Variants in SH3YL1 observed in about 807,000 individuals in gnomAD.
SH3YL1 encodes SH3 and SYLF domain containing 1, also known as SH3 domain-containing YSC84-like protein 1.
In SH3YL1, 41 loss-of-function variants were observed where a neutral mutation model predicts 45.8. That is an observed-to-expected ratio of 0.89 (90% confidence interval 0.70 to 1.16). The LOEUF is 1.16. Ranked by LOEUF, SH3YL1 falls within the 50% of genes most tolerant of loss-of-function variation. The pLI is 0.00. For missense variants in SH3YL1, 389 were observed against 409.6 expected (o/e 0.95, Z 0.43); for synonymous variants, 152 against 151.4 (o/e 1.00, Z -0.03).
In SH3YL1 at chr2:230,013, C is replaced by T. The variant is rs1667962950; in HGVS notation, c.734G>A (p.Arg245Lys). 3.1e-6 allele frequency: 5 copies of T among 1,610,044 alleles called. No homozygotes were observed. Among genetic ancestry groups the T allele is most frequent in the South Asian group, 1.1e-5 (1 of 90,328 alleles). The stretch of plus-strand genomic sequence containing the variant: ...GACTGGTGCAGATGACTGCTGTGGT[C>T]TTGACAATGGCTTTGGAGGTAATTC... ...AKELPPKPLSRPQQSSAPVQL... is the reference protein window; with the variant it reads ...AKELPPKPLSKPQQSSAPVQL... The change falls in exon 8 of 10, where the codon AGA becomes AAA. Residue 245 changes from arginine (R) to lysine (K), a missense_variant. Arg to Lys is a conservative substitution (Grantham distance 26, BLOSUM62 2). Transcript: ENST00000356150.
At chr2:225,635 C>G (rs892262613) in intron 8 of SH3YL1, among the ~76,000 whole-genome samples, 8 of 152,188 alleles carry the variant, frequency 5.3e-5, no homozygotes, top group African/African-American at 1.7e-4. Flanking sequence ...GAAAAGGATA[C>G]AAATATCCTC....
intron 1 of SH3YL1, chr2:263,589 C>G (rs1486029664): frequency 5.3e-6 from 1 of 189,012 alleles, no homozygotes; most frequent in Non-Finnish European, 1.1e-5. Context: ...GCCAAGGCCT[C>G]CTCCCCGCGC....
At chr2:258,240 T>C (rs1359089185) in intron 1 of SH3YL1, among the ~76,000 whole-genome samples, 1 of 152,224 alleles carries the variant, frequency 6.6e-6, no homozygotes, top group Non-Finnish European at 1.5e-5. Context: ...TAAATTGCTC[T>C]AGGCAGTATG....
chr2:224,763 A>T, intron 9 of SH3YL1, 101 bp downstream of exon 9: 1 of 874,534 alleles, frequency 1.1e-6, no homozygotes, highest in Admixed American at 1.9e-5. Flanking sequence ...TAAAGGGCTG[A>T]ACACTTCCCA....
chr2:225,534 A>G (rs1024037939), intron 8 of SH3YL1, among the ~76,000 whole-genome samples: 10 of 152,148 alleles, frequency 6.6e-5, no homozygotes, highest in African/African-American at 2.4e-4. Context: ...GTCTCTGCGT[A>G]CTCCTAAAGA....
intron 3 of SH3YL1, among the ~76,000 whole-genome samples, chr2:248,332 T>C (rs796230360): frequency 1.6e-4 from 24 of 152,288 alleles, no homozygotes; most frequent in African/African-American, 5.8e-4. Flanking sequence ...CTACCATGCA[T>C]GCTAGATACT....
At chr2:247,701 G>T in intron 3 of SH3YL1, 99 bp from the exon 4 acceptor site, 1 of 824,892 alleles carries the variant, frequency 1.2e-6, no homozygotes, top group Non-Finnish European at 1.9e-6. Context: ...TGCTTCTATT[G>T]AAAATAATGA....
chr2:234,134 G>A, intron 5 of SH3YL1, 26 bp downstream of exon 5: 1 of 1,520,662 alleles, frequency 6.6e-7, no homozygotes, highest in Non-Finnish European at 9.1e-7. Context: ...AACCTTTACT[G>A]TCTAACATCT....
chr2:253,705 C>G (rs1669182218), intron 1 of SH3YL1, among the ~76,000 whole-genome samples: 1 of 152,124 alleles, frequency 6.6e-6, no homozygotes, highest in South Asian at 2.1e-4. Context: ...ATTGAGTAGC[C>G]CTTCTTTATT....
chr2:220,814 C>T (rs1397891169), intron 9 of SH3YL1, among the ~76,000 whole-genome samples: 1 of 152,222 alleles, frequency 6.6e-6, no homozygotes, highest in Non-Finnish European at 1.5e-5. Flanking sequence ...CTCTGTTCTC[C>T]TCCCTCTTGT....
intron 4 of SH3YL1, chr2:240,426 G>A (rs1249294000): frequency 6.6e-6 from 1 of 152,286 alleles, no homozygotes; most frequent in African/African-American, 2.4e-5. Flanking sequence ...ACAGGGTGGG[G>A]AAGTTCAAAG....
Position 253,013 on chromosome 2 carries a change from A to T in SH3YL1, c.104T>A (p.Ile35Asn), listed in dbSNP as rs1249929440. Residue 35 changes from isoleucine (I) to asparagine (N), a missense_variant, in exon 2 of 10, where the codon ATC becomes AAC. Coordinates refer to ENST00000356150, the MANE Select transcript of SH3YL1 (RefSeq NM_015677.4). ...EITSRNGPDK[I>N]IPAHVIAKAK... Reference sequence around the variant, plus strand: ...TCATCCTATTTACCTACCAGGAATGATCTTATCAGGTCCATTTCTGGAAGT... The same window carrying T: ...TCATCCTATTTACCTACCAGGAATGTTCTTATCAGGTCCATTTCTGGAAGT... 4.6e-6 allele frequency: 7 copies of T among 1,531,454 alleles called. No individual in the cohort carries two copies. The highest frequency in any genetic ancestry group is 6.2e-6 in the Non-Finnish European group (7 of 1,129,818). The allele number at this position is 1,531,454 out of a possible 1,614,324, so 94.9% of individuals were successfully genotyped here.
At chr2:255,842 C>T (rs1454721686) in intron 1 of SH3YL1, 1 of 152,194 alleles carries the variant, frequency 6.6e-6, no homozygotes, top group African/African-American at 2.4e-5. Context: ...TAGCTCTTTA[C>T]TCCTTTTAAA....
intron 1 of SH3YL1, among the ~76,000 whole-genome samples, chr2:255,458 A>T (rs1669275457): frequency 6.6e-6 from 1 of 152,066 alleles, no homozygotes; most frequent in African/African-American, 2.4e-5. Flanking sequence ...AAAATTAGCC[A>T]GTCATGGTCC....
intron 1 of SH3YL1, among the ~76,000 whole-genome samples, chr2:253,826 T>C (rs1386272022): frequency 1.3e-5 from 2 of 152,104 alleles, no homozygotes; most frequent in Non-Finnish European, 2.9e-5. Flanking sequence ...CCCTTTTTGG[T>C]AACACAATGA....
intron 7 of SH3YL1, 85 bp downstream of exon 7, chr2:230,938 C>CT: frequency 7.3e-7 from 1 of 1,375,542 alleles, no homozygotes; most frequent in East Asian, 2.3e-5. Flanking sequence ...TTAGTAGGTT[C>CT]TTAGGAACCT....
At chr2:256,803 G>C (rs907541389) in intron 1 of SH3YL1, 22 of 152,332 alleles carry the variant, frequency 1.4e-4, no homozygotes, top group Middle Eastern at 3.4e-3. Context: ...AGCCACCTAA[G>C]AGTTCTCTAA....
Position 218,964 on chromosome 2 carries a change from A to G in SH3YL1, c.876T>C (p.Tyr292=), listed in dbSNP as rs983845142. Residue 292 remains tyrosine (Y), a synonymous_variant, in exon 10 of 10, where the codon TAT becomes TAC. Transcript: ENST00000356150. The part of the protein sequence containing the change: ...LNQPIEVTAL[Y]SFEGQQPGDL... ...CCCCAGGCTGCTGTCCTTCAAATGA[A>G]TACAGCGCTGTCACTTCTATGGGTT... is the stretch of plus-strand genomic sequence containing the variant. 8 of 1,613,784 alleles carry G rather than the reference A, an allele frequency of 5.0e-6. No individual in the cohort carries two copies. Among genetic ancestry groups the G allele is most frequent in the Non-Finnish European group, 6.8e-6 (8 of 1,179,854 alleles).
In SH3YL1 at chr2:218,816, T is replaced by G. The variant is rs1429525678; in HGVS notation, c.1024A>C (p.Asn342His). The G allele has an allele frequency of 6.2e-7, 1 of 1,609,984 alleles. No homozygotes were observed. The highest frequency in any genetic ancestry group is 8.5e-7 in the Non-Finnish European group (1 of 1,177,606). The change falls in exon 10 of 10, where the codon AAT (asparagine) becomes CAT (histidine). Residue 342 changes from asparagine to histidine, a missense_variant. Asn to His is a moderately conservative substitution (Grantham distance 68). Coordinates refer to ENST00000356150, the MANE Select transcript of SH3YL1 (RefSeq NM_015677.4). ...AGAAGAAAATAGTATACGCTTTAAT[T>G]CATGGTTACGTAGTTGGCTGGAAAA... ...GIFPANYVTMN is the reference protein window; with the variant it reads ...GIFPANYVTMH
Sources: gnomAD v4.1 joint callset for allele counts (sites outside exome capture counted in the v4.1 genomes callset) on GRCh38, gnomAD v4.1.1 for gene constraint, MANE v1.5 for transcripts, NCBI Gene and HGNC (gene_info 2026-07-23, HGNC 2026-07-21) for gene names.